Variants in TEX9 observed in about 807,000 individuals in gnomAD.
TEX9 encodes testis-expressed protein 9.
A neutral mutation model predicts 59.6 loss-of-function variants in TEX9; 74 were observed. That is an observed-to-expected ratio of 1.24 (90% CI 1.03 to 1.51). The LOEUF (loss-of-function observed/expected upper bound fraction) is 1.51. Among genes scored for constraint, TEX9 ranks in the 40% most tolerant of loss-of-function variants. TEX9 has a pLI of 0.00. For missense variants in TEX9, 522 were observed against 447.8 expected (o/e 1.17, Z -1.49); for synonymous variants, 186 against 152.2 (o/e 1.22, Z -1.64).
chr15:56,428,994 CCAAA>C (rs1158004449), intron 12 of TEX9: 3 of 592,914 alleles, frequency 5.1e-6, no homozygotes, highest in African/African-American at 2.0e-5. Context: ...TTTACAAAAT[CCAAA>C]CAGACAATGG....
intron 1 of TEX9, among the ~76,000 whole-genome samples, chr15:56,284,834 T>TTGGTA (rs2044909682): frequency 6.6e-6 from 1 of 152,138 alleles, no homozygotes; most frequent in Non-Finnish European, 1.5e-5. Flanking sequence ...GTGCCCCCAT[T>TTGGTA]TGGTCTCTCT....
Position 56,352,664 on chromosome 15 carries a change from A to G in TEX9, c.-106-20777A>G, listed in dbSNP as rs966791052. Among the ~76,000 whole-genome samples, 6 of 152,152 alleles carry G rather than the reference A, an allele frequency of 3.9e-5. No homozygotes were observed. The East Asian group carries it at 5.8e-4, about 15-fold the overall frequency. ...GCTGATGGCACTTCTGTTCTTGTTT[A>G]TTATCTCTGTTATTTTCAGTATTTT... On this transcript the variant is annotated intron_variant, in intron 1 of 5. Transcript: ENST00000560827.
Position 56,434,136 on chromosome 15 carries a change from A to T in TEX9, c.*29+5663A>T, listed in dbSNP as rs760695073. 1.9e-6 allele frequency: 3 copies of T among 1,605,682 alleles called. No individual in the cohort carries two copies. The East Asian group carries it at 6.7e-5, about 36-fold the overall frequency. On this transcript the variant is annotated intron_variant, in intron 12 of 12. Coordinates refer to ENST00000352903, the Ensembl canonical transcript of TEX9. ...CAAAAAAACCCCACAACTTTTTCTT[A>T]CTTTGTCTGCAAGGAATTGTTGGCG...
chr15:56,410,390 T>G (rs1007867389), intron 9 of TEX9, among the ~76,000 whole-genome samples: 1 of 152,138 alleles, frequency 6.6e-6, no homozygotes, highest in African/African-American at 2.4e-5. Context: ...TTAATAATCA[T>G]GAGAGAGTGG....
intron 1 of TEX9, among the ~76,000 whole-genome samples, chr15:56,348,396 T>C (rs2046513469): frequency 6.6e-6 from 1 of 152,102 alleles, no homozygotes; most frequent in Admixed American, 6.6e-5. Flanking sequence ...CATCTCAGCC[T>C]GAAGAACTTC....
chr15:56,414,959 G>A (rs1276152349), intron 10 of TEX9, among the ~76,000 whole-genome samples: 2 of 151,730 alleles, frequency 1.3e-5, no homozygotes, highest in Non-Finnish European at 2.9e-5. Context: ...GTATTTAATT[G>A]TGGTTTTGAT....
At chr15:56,403,859 C>A (rs893034529) in intron 9 of TEX9, among the ~76,000 whole-genome samples, 1 of 152,170 alleles carries the variant, frequency 6.6e-6, no homozygotes, top group Middle Eastern at 3.2e-3. Flanking sequence ...TTTGACAAAC[C>A]TGACAAAAAC....
chr15:56,443,291 G>T, intron 12 of TEX9: 2 of 540,032 alleles, frequency 3.7e-6, no homozygotes, highest in East Asian at 3.4e-5. Context: ...GAAAATTTCT[G>T]TCTTTTAACT....
chr15:56,304,936 T>G (rs570028224), intron 1 of TEX9, among the ~76,000 whole-genome samples: 110 of 152,330 alleles, frequency 7.2e-4, no homozygotes, highest in African/African-American at 2.4e-3. Flanking sequence ...TTGCCCAGGC[T>G]GGTCTGGAAC....
intron 10 of TEX9, among the ~76,000 whole-genome samples, chr15:56,419,008 T>C (rs745954210): frequency 6.6e-6 from 1 of 151,940 alleles, no homozygotes; most frequent in Non-Finnish European, 1.5e-5. Context: ...GACATCTTAA[T>C]AGCGTCTTTA....
intron 12 of TEX9, chr15:56,444,825 T>C: frequency 1.5e-6 from 1 of 688,938 alleles, no homozygotes; most frequent in Middle Eastern, 4.1e-4. Flanking sequence ...TAAGTTATTA[T>C]TACCTGAAGG....
At chr15:56,276,863 C>A (rs551790912) in intron 1 of TEX9, among the ~76,000 whole-genome samples, 1 of 152,276 alleles carries the variant, frequency 6.6e-6, no homozygotes, top group East Asian at 1.9e-4. Context: ...GCCGTTCTAA[C>A]TGGTGTGAGA....
chr15:56,407,897 C>T (rs1224311005), intron 9 of TEX9, among the ~76,000 whole-genome samples: 1 of 152,126 alleles, frequency 6.6e-6, no homozygotes, highest in East Asian at 1.9e-4. Flanking sequence ...GAATTAGTAC[C>T]TCTTCTGTCT....
Position 56,428,440 on chromosome 15 carries a change from C to G in TEX9, c.1172C>G (p.Ser391Ter), listed in dbSNP as rs776437587. The stretch of plus-strand genomic sequence containing the variant: ...ATGAAAGCACTTGAATGGGGAAATT[C>G]ATAAGTGATCTACTTCAGTTAGTCT... The change falls in exon 12 of 13, where the codon TCA (serine) becomes TGA (stop). Residue 391 changes from serine (S) to a stop codon, truncating the protein, a stop_gained. Transcript: ENST00000352903. LOFTEE classifies it high-confidence loss of function. The G allele has an allele frequency of 6.2e-7, 1 of 1,608,114 alleles. No individual in the cohort carries two copies. Among genetic ancestry groups the G allele is most frequent in the South Asian group, 1.1e-5 (1 of 90,818 alleles).
chr15:56,297,692 A>G (rs1178778118), intron 1 of TEX9, among the ~76,000 whole-genome samples: 11 of 152,154 alleles, frequency 7.2e-5, no homozygotes, highest in Non-Finnish European at 1.6e-4. Flanking sequence ...TTTAGTGGAG[A>G]CAGAGTTTTA....
intron 12 of TEX9, chr15:56,431,404 T>C (rs201407748): frequency 5.6e-6 from 9 of 1,613,464 alleles, no homozygotes; most frequent in Non-Finnish European, 6.8e-6. Context: ...GTTTGTAGCA[T>C]GCTCTTTAAG....
intron 1 of TEX9, among the ~76,000 whole-genome samples, chr15:56,289,567 G>A (rs955632295): frequency 6.6e-5 from 10 of 152,184 alleles, no homozygotes; most frequent in African/African-American, 2.2e-4. Context: ...GGCAGTGAGG[G>A]TTGCTCAGTT....
intron 1 of TEX9, among the ~76,000 whole-genome samples, chr15:56,347,988 T>A (rs2046504320): frequency 1.3e-5 from 2 of 152,152 alleles, no homozygotes; most frequent in African/African-American, 4.8e-5. Flanking sequence ...ATAGAGGATG[T>A]TAGAAAAGTG....
chr15:56,391,408 C>T, exon 7 of TEX9: 1 of 1,523,746 alleles, frequency 6.6e-7, no homozygotes, highest in Middle Eastern at 1.8e-4. Context: ...TTAGTAATGA[C>T]ATTGGAACAG....
Sources: allele counts gnomAD v4.1 joint callset (sites outside exome capture counted in the v4.1 genomes callset), GRCh38; gene constraint gnomAD v4.1.1; transcripts MANE v1.5; gene names NCBI Gene and HGNC (gene_info 2026-07-23, HGNC 2026-07-21).